The following SRRM4 variants were observed in gnomAD, a reference collection of about 807,000 sequenced individuals.
The protein encoded by SRRM4 is serine/arginine repetitive matrix 4.
In SRRM4, 33 loss-of-function variants were observed where a neutral mutation model predicts 68.9. The ratio of observed to expected loss-of-function variants is 0.48; its 90% CI spans 0.36 to 0.64. The LOEUF (loss-of-function observed/expected upper bound fraction) is 0.64, where lower values mean the gene tolerates loss of function less well. SRRM4 is among the 30% of genes least tolerant of loss of function. The pLI is 0.00. For missense variants in SRRM4, 817 were observed against 827.1 expected, an observed-to-expected ratio of 0.99 and a Z score of 0.15; for synonymous variants, 318 against 318.8, an observed-to-expected ratio of 1.00 and a Z score of 0.03.
intron 9 of SRRM4, among the ~76,000 whole-genome samples, chr12:119,147,389 C>T (rs762425677): frequency 4.6e-5 from 7 of 152,188 alleles, no homozygotes; most frequent in African/African-American, 1.2e-4. Context: ...TGGTGGATAA[C>T]TGTCATTATA....
chr12:119,068,842 A>G (rs1953861362), intron 1 of SRRM4, among the ~76,000 whole-genome samples: 1 of 152,144 alleles, frequency 6.6e-6, no homozygotes, highest in Non-Finnish European at 1.5e-5. Flanking sequence ...AAGGAGAAAG[A>G]AACAAGAAGG....
chr12:119,126,169 G>A (rs1007960646), intron 7 of SRRM4, among the ~76,000 whole-genome samples: 12 of 151,172 alleles, frequency 7.9e-5, no homozygotes, highest in South Asian at 2.1e-4. Context: ...GACTACAGGC[G>A]CCCGCCACCA....
intron 1 of SRRM4, among the ~76,000 whole-genome samples, chr12:119,029,760 G>A (rs191320343): frequency 6.6e-5 from 10 of 152,304 alleles, no homozygotes; most frequent in South Asian, 2.1e-4. Context: ...GGAACTTGCC[G>A]AATATGCCAA....
intron 1 of SRRM4, among the ~76,000 whole-genome samples, chr12:119,004,293 A>T (rs1261440113): frequency 6.6e-6 from 1 of 152,006 alleles, no homozygotes; most frequent in Non-Finnish European, 1.5e-5. Context: ...TTAGGGTCAC[A>T]ACCATTCTGC....
intron 2 of SRRM4, among the ~76,000 whole-genome samples, chr12:119,107,986 A>G (rs1367757622): frequency 6.6e-6 from 1 of 152,208 alleles, no homozygotes; most frequent in Non-Finnish European, 1.5e-5. Flanking sequence ...ACTGCTTTAA[A>G]TGTGTCCCAG....
chr12:119,125,878 G>A (rs562301235), intron 7 of SRRM4, among the ~76,000 whole-genome samples: 6 of 150,932 alleles, frequency 4.0e-5, no homozygotes, highest in East Asian at 4.0e-4. Context: ...CCAAGATCAC[G>A]CCATTGCACT....
intron 6 of SRRM4, among the ~76,000 whole-genome samples, chr12:119,122,428 G>A (rs61938022): frequency 0.099 from 15,136 of 152,176 alleles, 989 homozygotes; most frequent in East Asian, 0.38. Flanking sequence ...TGATGTGTAT[G>A]TGTATGCACG....
intron 1 of SRRM4, among the ~76,000 whole-genome samples, chr12:119,096,275 C>T (rs1020468084): frequency 1.3e-5 from 2 of 151,420 alleles, no homozygotes; most frequent in Non-Finnish European, 2.9e-5. Flanking sequence ...CCTCGTAATC[C>T]GCCCACCTCA....
At chr12:119,087,344 A>G (rs1229403299) in intron 1 of SRRM4, among the ~76,000 whole-genome samples, 1 of 152,224 alleles carries the variant, frequency 6.6e-6, no homozygotes, top group Non-Finnish European at 1.5e-5. Flanking sequence ...CCATAGAGAT[A>G]GAGGCAGGTG....
chr12:118,992,259 ACTT>A (rs1268194884), intron 1 of SRRM4: 1 of 151,968 alleles, frequency 6.6e-6, no homozygotes, highest in African/African-American at 2.4e-5. Flanking sequence ...TCTTGTTTGA[ACTT>A]CTCTGCTGCA....
chr12:118,982,669 G>GTTTTTTTTTTTTT lies in SRRM4; in HGVS notation c.131+665_131+666insTTTTTTTTTTTTT, dbSNP rs10533651. Among the ~76,000 whole-genome samples, 50 of 115,666 alleles carry GTTTTTTTTTTTTT rather than the reference G, an allele frequency of 4.3e-4. 1 individual carries two copies. The highest frequency in any genetic ancestry group is 1.2e-3 in the South Asian group (4 of 3,332). 75.9% of individuals were successfully genotyped at this position (115,666 alleles called of 152,430 possible). ...GATGATCTTGGAAGAGTTTTATTTTGTTTTTTTTTGTTTTTTTTTTTTTTT... is the reference window on the plus strand; with the variant it reads ...GATGATCTTGGAAGAGTTTTATTTTGTTTTTTTTTTTTTTTTTTTTTTGTTTTTTTTTTTTTTT... On this transcript the variant is annotated intron_variant, in intron 1 of 12. Coordinates refer to ENST00000267260, the MANE Select transcript of SRRM4 (RefSeq NM_194286.4).
chr12:119,124,109 T>C (rs1954241931), intron 6 of SRRM4: 1 of 152,210 alleles, frequency 6.6e-6, no homozygotes, highest in South Asian at 2.1e-4. Flanking sequence ...TAGGTTATTA[T>C]GAAGAATAGA....
chr12:119,015,533 C>T (rs1953475706), intron 1 of SRRM4, among the ~76,000 whole-genome samples: 1 of 152,178 alleles, frequency 6.6e-6, no homozygotes, highest in African/African-American at 2.4e-5. Flanking sequence ...TTGGCCCTCA[C>T]TCACCCTTCT....
intron 1 of SRRM4, among the ~76,000 whole-genome samples, chr12:119,015,028 C>G (rs911464051): frequency 6.6e-6 from 1 of 152,050 alleles, no homozygotes; most frequent in Non-Finnish European, 1.5e-5. Flanking sequence ...AATAAATACT[C>G]GATTGTGATC....
At chr12:118,986,711 G>C (rs911123446) in intron 1 of SRRM4, among the ~76,000 whole-genome samples, 2 of 152,092 alleles carry the variant, frequency 1.3e-5, no homozygotes, top group Non-Finnish European at 2.9e-5. Flanking sequence ...GGGGCAGGAG[G>C]TTGGACTAAA....
intron 1 of SRRM4, among the ~76,000 whole-genome samples, chr12:119,098,354 A>G (rs1954057557): frequency 6.6e-6 from 1 of 152,254 alleles, no homozygotes; most frequent in Non-Finnish European, 1.5e-5. Context: ...AGACTGAGGC[A>G]TTGGCTGAGT....
At chr12:119,082,712 G>A (rs1345558190) in intron 1 of SRRM4, among the ~76,000 whole-genome samples, 1 of 152,212 alleles carries the variant, frequency 6.6e-6, no homozygotes, top group Non-Finnish European at 1.5e-5. Context: ...AGGGGAAGCA[G>A]TTCTGGCAGA....
chr12:119,156,608 A>C lies in SRRM4; in HGVS notation c.1646A>C (p.Tyr549Ser). ...SSSSRSASRS[Y>S]SRSRSRSRSR... ...AGTAGCCGCTCGGCCAGCCGCAGCT[A>C]CTCCCGGAGCCGGAGTCGGAGCCGG... Residue 549 changes from tyrosine to serine, a missense_variant, in exon 13 of 13, where the codon TAC (tyrosine) becomes TCC (serine). Tyr to Ser is a moderately radical substitution (Grantham distance 144, BLOSUM62 -2). Transcript: ENST00000267260. The C allele has an allele frequency of 6.2e-7, 1 of 1,610,196 alleles. No homozygotes were observed. The highest frequency in any genetic ancestry group is 2.2e-4 in the Middle Eastern group (1 of 4,456).
At chr12:119,004,898 C>A (rs374344092) in intron 1 of SRRM4, among the ~76,000 whole-genome samples, 2 of 151,458 alleles carry the variant, frequency 1.3e-5, no homozygotes, top group East Asian at 2.1e-4. Context: ...TTCCTTTGTT[C>A]CCTTGGCGGA....
Sources: gnomAD v4.1 joint callset for allele counts (sites outside exome capture counted in the v4.1 genomes callset) on GRCh38, gnomAD v4.1.1 for gene constraint, MANE v1.5 for transcripts, NCBI Gene and HGNC (gene_info 2026-07-23, HGNC 2026-07-21) for gene names.